Variants in GTF2F2 observed in about 807,000 individuals in gnomAD.
GTF2F2 encodes the protein general transcription factor IIF subunit 2.
A neutral mutation model predicts 42.2 loss-of-function variants in GTF2F2; 23 were observed. That is an observed-to-expected ratio of 0.55 (90% CI 0.39 to 0.77). The LOEUF is 0.77. Ranked by LOEUF, GTF2F2 falls within the 30% of genes least tolerant of loss-of-function variation. GTF2F2 has a pLI of 0.00. For missense variants in GTF2F2, 261 were observed against 287.2 expected (o/e 0.91, Z 0.66); for synonymous variants, 105 against 100.8 (o/e 1.04, Z -0.25).
chr13:45,160,230 A>G (rs1376719031), intron 4 of GTF2F2, among the ~76,000 whole-genome samples: 1 of 152,180 alleles, frequency 6.6e-6, no homozygotes, highest in Non-Finnish European at 1.5e-5. Context: ...CTGGATTTTC[A>G]TCTCTACTTC....
At chr13:45,143,538 C>CAGGCCAGATAGTAGATACTGCAT (rs1870037423) in intron 2 of GTF2F2, among the ~76,000 whole-genome samples, 1 of 152,232 alleles carries the variant, frequency 6.6e-6, no homozygotes, top group Non-Finnish European at 1.5e-5. Flanking sequence ...GCATACTACA[C>CAGGCCAGATAGTAGATACTGCAT]AGGCCAGATA....
intron 6 of GTF2F2, among the ~76,000 whole-genome samples, chr13:45,261,061 G>A (rs531275654): frequency 6.6e-6 from 1 of 152,118 alleles, no homozygotes; most frequent in East Asian, 1.9e-4. Flanking sequence ...GGGAGACGGA[G>A]GCTGCAGTGA....
At chr13:45,262,876 C>G (rs1375114120) in intron 6 of GTF2F2, among the ~76,000 whole-genome samples, 1 of 152,022 alleles carries the variant, frequency 6.6e-6, no homozygotes, top group Non-Finnish European at 1.5e-5. Flanking sequence ...TCCTGAGTGG[C>G]TGGGACTACA....
chr13:45,274,553 TCTC>T (rs1189462195), intron 7 of GTF2F2, among the ~76,000 whole-genome samples: 1 of 152,038 alleles, frequency 6.6e-6, no homozygotes, highest in African/African-American at 2.4e-5. Context: ...ATTATCTCAA[TCTC>T]CTGACCTCGT....
intron 5 of GTF2F2, among the ~76,000 whole-genome samples, chr13:45,238,801 G>A (rs1875130191): frequency 1.3e-5 from 2 of 151,968 alleles, no homozygotes; most frequent in African/African-American, 2.4e-5. Context: ...AAAATTAGCC[G>A]GGTGTGGTGG....
intron 6 of GTF2F2, among the ~76,000 whole-genome samples, chr13:45,262,036 C>T (rs1220224613): frequency 6.6e-6 from 1 of 151,920 alleles, no homozygotes; most frequent in African/African-American, 2.4e-5. Context: ...TACCACAGAG[C>T]AGAATTTGGA....
In GTF2F2 at chr13:45,284,559, G is replaced by A. The variant is rs977542607; in HGVS notation, c.*998G>A. ...CAAGACCATCAAACAAAACAAAGAA[G>A]CTTAAGTGAACTAAGCACAGGGAAA... is the stretch of plus-strand genomic sequence containing the variant. On this transcript the variant is annotated 3_prime_UTR_variant, in exon 8 of 8. Transcript: ENST00000340473. The A allele has an allele frequency of 1.3e-5, 2 of 152,058 alleles. No homozygotes were observed. The highest frequency in any genetic ancestry group is 2.4e-5 in the African/African-American group (1 of 41,398). 9.4% of individuals were successfully genotyped at this position (152,058 alleles called of 1,614,324 possible).
chr13:45,197,793 G>C (rs938907736), intron 4 of GTF2F2, among the ~76,000 whole-genome samples: 6 of 152,202 alleles, frequency 3.9e-5, no homozygotes, highest in Admixed American at 3.3e-4. Flanking sequence ...TGGTGCTTCA[G>C]TACCTATACC....
chr13:45,133,358 T>C (rs1413080441), intron 1 of GTF2F2, among the ~76,000 whole-genome samples: 1 of 152,136 alleles, frequency 6.6e-6, no homozygotes, highest in Non-Finnish European at 1.5e-5. Flanking sequence ...TTAGGCTGAC[T>C]TGTCCCAGAG....
chr13:45,120,678 A>G lies in GTF2F2; in HGVS notation c.23A>G (p.Asp8Gly), dbSNP rs1413691035. 1.3e-6 allele frequency: 2 copies of G among 1,561,034 alleles called. No homozygotes were observed. The highest frequency in any genetic ancestry group is 2.7e-5 in the African/African-American group (2 of 73,850). The change falls in exon 1 of 8, where the codon GAC (aspartate) becomes GGC (glycine). Residue 8 changes from aspartate (D) to glycine (G), a missense_variant. Asp to Gly is a moderately conservative substitution (Grantham distance 94). Coordinates refer to ENST00000340473, the MANE Select transcript of GTF2F2 (RefSeq NM_004128.3). Reference protein sequence around the residue: MAERGELDLTGAKQNTGV... With the variant: MAERGELGLTGAKQNTGV... ...CCCATGGCCGAGCGCGGGGAACTCG[A>G]CTTGACCGGCGCCAAACAGAACACA...
At chr13:45,126,969 A>G (rs1219899225) in intron 1 of GTF2F2, among the ~76,000 whole-genome samples, 3 of 152,154 alleles carry the variant, frequency 2.0e-5, no homozygotes, top group African/African-American at 7.2e-5. Context: ...AATGAGTGAG[A>G]TAGTGGAAAT....
At chr13:45,202,084 T>A (rs1193520895) in intron 4 of GTF2F2, among the ~76,000 whole-genome samples, 1 of 151,944 alleles carries the variant, frequency 6.6e-6, no homozygotes, top group South Asian at 2.1e-4. Flanking sequence ...CAATCATTGC[T>A]TATTCTTCAA....
intron 4 of GTF2F2, 28 bp from the exon 5 acceptor site, chr13:45,207,396 T>C: frequency 1.4e-6 from 2 of 1,387,680 alleles, no homozygotes; most frequent in Non-Finnish European, 2.1e-6. Context: ...AAGTATTATC[T>C]CTGAATCCTT....
At chr13:45,193,851 C>G (rs764800319) in intron 4 of GTF2F2, 1 of 1,613,870 alleles carries the variant, frequency 6.2e-7, no homozygotes, top group Non-Finnish European at 8.5e-7. Context: ...CCAGGCTGGT[C>G]AGCAGTCTAA....
At chr13:45,279,324 A>G (rs2138278657) in intron 7 of GTF2F2, among the ~76,000 whole-genome samples, 1 of 152,360 alleles carries the variant, frequency 6.6e-6, no homozygotes, top group South Asian at 2.1e-4. Flanking sequence ...CCTCTTCTTC[A>G]GTTGGCTCTG....
chr13:45,135,749 A>G (rs1057094469), intron 1 of GTF2F2, among the ~76,000 whole-genome samples: 1 of 152,220 alleles, frequency 6.6e-6, no homozygotes, highest in Non-Finnish European at 1.5e-5. Flanking sequence ...CAGCTTTGGC[A>G]GCTAGACTGT....
intron 4 of GTF2F2, among the ~76,000 whole-genome samples, chr13:45,152,110 TC>T (rs1870531759): frequency 6.6e-6 from 1 of 152,074 alleles, no homozygotes; most frequent in Non-Finnish European, 1.5e-5. Context: ...AGACGAGGTT[TC>T]TCCATGTTGG....
intron 4 of GTF2F2, among the ~76,000 whole-genome samples, chr13:45,152,835 G>A (rs1243538762): frequency 6.6e-6 from 1 of 152,116 alleles, no homozygotes; most frequent in African/African-American, 2.4e-5. Flanking sequence ...TACTATTAAA[G>A]CAACAGGCCA....
chr13:45,261,299 G>A (rs781716483), intron 6 of GTF2F2, among the ~76,000 whole-genome samples: 2 of 151,564 alleles, frequency 1.3e-5, no homozygotes, highest in African/African-American at 4.8e-5. Flanking sequence ...GGTGGCACGC[G>A]CCTGTAGTCC....
Sources: allele counts gnomAD v4.1 joint callset (sites outside exome capture counted in the v4.1 genomes callset), GRCh38; gene constraint gnomAD v4.1.1; transcripts MANE v1.5; gene names NCBI Gene and HGNC (gene_info 2026-07-23, HGNC 2026-07-21).